The following SLC44A5 variants were observed in gnomAD, a reference collection of about 807,000 sequenced individuals.
SLC44A5 encodes solute carrier family 44 member 5.
In SLC44A5, 57 loss-of-function variants were observed where a neutral mutation model predicts 101.8. The observed-to-expected ratio is 0.56, with a 90% CI of 0.45 to 0.70. The LOEUF is 0.70. Ranked by LOEUF, SLC44A5 falls within the 30% of genes least tolerant of loss-of-function variation. The pLI is 0.00. For synonymous variants in SLC44A5, 281 were observed against 290.9 expected (o/e 0.97, Z 0.35); for missense variants, 737 against 853.1 (o/e 0.86, Z 1.70).
At chr1:75,331,755 GC>G (rs1470394776) in intron 4 of SLC44A5, among the ~76,000 whole-genome samples, 2 of 152,012 alleles carry the variant, frequency 1.3e-5, no homozygotes, top group African/African-American at 4.8e-5. Flanking sequence ...ACTCACACGG[GC>G]CTCTCTGCTC....
chr1:75,278,997 T>C (rs1305166278), intron 5 of SLC44A5, among the ~76,000 whole-genome samples: 1 of 152,120 alleles, frequency 6.6e-6, no homozygotes, highest in African/African-American at 2.4e-5. Flanking sequence ...GGTTTAATGA[T>C]CAAATCAGGA....
intron 1 of SLC44A5, among the ~76,000 whole-genome samples, chr1:75,584,758 G>A (rs944314819): frequency 2.0e-4 from 31 of 151,906 alleles, no homozygotes; most frequent in African/African-American, 7.5e-4. Flanking sequence ...CACAATGCCT[G>A]GCTAATTTTT....
In SLC44A5 at chr1:75,222,570, C is replaced by T; in HGVS notation, c.986-110G>A. On this transcript the variant is annotated intron_variant, in intron 13 of 23. Transcript: ENST00000370859. ...ATGATTATTTCTGCCAATTCTGACA[C>T]CTCATAATCTAAGAAGTGTTATCTC... 3 of 634,294 alleles carry T rather than the reference C, an allele frequency of 4.7e-6. No individual in the cohort carries two copies. In the South Asian group the frequency reaches 5.8e-5, roughly 12 times the overall value. The allele number at this position is 634,294 out of a possible 1,614,324, so 39.3% of individuals were successfully genotyped here.
intron 2 of SLC44A5, among the ~76,000 whole-genome samples, chr1:75,462,000 G>T (rs1342103852): frequency 2.6e-5 from 4 of 152,192 alleles, no homozygotes; most frequent in Non-Finnish European, 4.4e-5. Context: ...GGCTGACTTT[G>T]CCACCTGCTG....
chr1:75,236,995 C>A lies in SLC44A5; in HGVS notation c.732G>T (p.Trp244Cys). The part of the protein sequence containing the change: ...VFEDYARTWY[W>C]ILIGLTIAMV... Reference sequence around the variant, plus strand: ...TATGTGTTTTCACTTACATGAGAATCCAATACCAAGTTCTTGCATAGTCTT... The same window carrying A: ...TATGTGTTTTCACTTACATGAGAATACAATACCAAGTTCTTGCATAGTCTT... The change falls in exon 11 of 24, where the codon TGG (tryptophan) becomes TGT (cysteine). Residue 244 changes from tryptophan to cysteine, a missense_variant. Physicochemically the swap from Trp to Cys is radical, Grantham distance 215 (BLOSUM62 -2). Coordinates refer to ENST00000370859, the MANE Select transcript of SLC44A5 (RefSeq NM_001130058.2). 4 of 1,585,786 alleles carry A rather than the reference C, an allele frequency of 2.5e-6. No homozygotes were observed. The highest frequency in any genetic ancestry group is 2.2e-5 in the South Asian group (2 of 88,898).
intron 1 of SLC44A5, among the ~76,000 whole-genome samples, chr1:75,567,789 C>T (rs976502827): frequency 2.0e-5 from 3 of 152,138 alleles, no homozygotes; most frequent in Admixed American, 6.5e-5. Context: ...AGGCCAGTTA[C>T]GAGATTATTT....
intron 1 of SLC44A5, among the ~76,000 whole-genome samples, chr1:75,576,541 A>G (rs1432647165): frequency 6.6e-6 from 1 of 151,946 alleles, no homozygotes; most frequent in African/African-American, 2.4e-5. Flanking sequence ...GATGGTCTCG[A>G]TCTCCTGACC....
At chr1:75,593,178 G>C (rs978079942) in intron 1 of SLC44A5, among the ~76,000 whole-genome samples, 2 of 152,042 alleles carry the variant, frequency 1.3e-5, no homozygotes, top group Non-Finnish European at 2.9e-5. Flanking sequence ...ATGGTCAAAA[G>C]ATTTGAATTG....
intron 2 of SLC44A5, among the ~76,000 whole-genome samples, chr1:75,414,418 A>T (rs1212177809): frequency 6.6e-6 from 1 of 151,992 alleles, no homozygotes; most frequent in Non-Finnish European, 1.5e-5. Flanking sequence ...GATTCTTTTA[A>T]TCCAAAAATA....
At chr1:75,248,861 A>C (rs1431717799) in intron 7 of SLC44A5, among the ~76,000 whole-genome samples, 1 of 152,074 alleles carries the variant, frequency 6.6e-6, no homozygotes, top group Admixed American at 6.6e-5. Flanking sequence ...GGACAATGGA[A>C]TTGAGAATGT....
chr1:75,509,074 C>T (rs773259155), intron 2 of SLC44A5, among the ~76,000 whole-genome samples: 6 of 152,346 alleles, frequency 3.9e-5, no homozygotes, highest in Non-Finnish European at 8.8e-5. Flanking sequence ...CTTGGACAGA[C>T]TGGCATGGGC....
chr1:75,456,801 C>T (rs1666208956), intron 2 of SLC44A5, among the ~76,000 whole-genome samples: 1 of 152,352 alleles, frequency 6.6e-6, no homozygotes, highest in Non-Finnish European at 1.5e-5. Flanking sequence ...GTTGTGCCTG[C>T]TTATTCTGTG....
chr1:75,397,706 C>A (rs188453095), intron 2 of SLC44A5, among the ~76,000 whole-genome samples: 445 of 152,226 alleles, frequency 2.9e-3, no homozygotes, highest in Non-Finnish European at 4.5e-3. Context: ...GCAACGTGAA[C>A]TTTTGGGTCT....
intron 6 of SLC44A5, among the ~76,000 whole-genome samples, chr1:75,270,141 T>TC (rs1250396237): frequency 6.6e-6 from 1 of 152,200 alleles, no homozygotes; most frequent in Non-Finnish European, 1.5e-5. Flanking sequence ...CTCAGGTATG[T>TC]CTTTATCACC....
intron 4 of SLC44A5, 44 bp downstream of exon 4, chr1:75,339,538 G>T: frequency 1.3e-6 from 2 of 1,533,432 alleles, no homozygotes; most frequent in Non-Finnish European, 1.8e-6. Flanking sequence ...AAAGCTTTCT[G>T]TGTATGTTTA....
intron 2 of SLC44A5, among the ~76,000 whole-genome samples, chr1:75,418,577 A>G (rs1313584500): frequency 6.6e-6 from 1 of 152,120 alleles, no homozygotes; most frequent in South Asian, 2.1e-4. Flanking sequence ...AAGAGCATGC[A>G]TGGTAGGTCT....
chr1:75,265,918 T>C (rs1224069987), intron 6 of SLC44A5, among the ~76,000 whole-genome samples: 1 of 152,134 alleles, frequency 6.6e-6, no homozygotes, highest in African/African-American at 2.4e-5. Flanking sequence ...TCTTTTTTTG[T>C]GGAAATCTCA....
the SLC44A5 span, among the ~76,000 whole-genome samples, chr1:75,663,978 T>C: frequency 2.6e-5 from 4 of 152,188 alleles, no homozygotes; most frequent in African/African-American, 9.6e-5. Flanking sequence ...GTCGGGTTCA[T>C]TCCTGGGATG....
At chr1:75,483,299 C>A (rs1381229663) in intron 2 of SLC44A5, among the ~76,000 whole-genome samples, 1 of 152,134 alleles carries the variant, frequency 6.6e-6, no homozygotes, top group African/African-American at 2.4e-5. Context: ...ATCCAGATAT[C>A]ATTTTTATTA....
Sources: gnomAD v4.1 joint callset for allele counts (sites outside exome capture counted in the v4.1 genomes callset) on GRCh38, gnomAD v4.1.1 for gene constraint, MANE v1.5 for transcripts, NCBI Gene and HGNC (gene_info 2026-07-23, HGNC 2026-07-21) for gene names.